EPS15L1: variants seen among roughly 807,000 people sequenced by gnomAD.
EPS15L1 encodes epidermal growth factor receptor substrate 15-like 1.
EPS15L1 carries 43 observed loss-of-function variants against 117.1 expected under a neutral mutation model. The ratio of observed to expected loss-of-function variants is 0.37; its 90% CI spans 0.29 to 0.47. The LOEUF (loss-of-function observed/expected upper bound fraction) is 0.47, where lower values mean the gene tolerates loss of function less well. Ranked by LOEUF, EPS15L1 falls within the 20% of genes least tolerant of loss-of-function variation. The probability of loss-of-function intolerance (pLI) is 0.99; values close to 1 mark genes in which losing one functional copy is unlikely to be tolerated. For missense variants in EPS15L1, 981 were observed against 1,164.0 expected (o/e 0.84, Z 2.29); for synonymous variants, 459 against 470.5 (o/e 0.98, Z 0.32).
chr19:16,413,024 GC>G, intron 13 of EPS15L1: 1 of 735,572 alleles, frequency 1.4e-6, no homozygotes, highest in African/African-American at 1.7e-5. Context: ...TGAAGATTAT[GC>G]CAGTGCAGAA....
chr19:16,459,819 C>T (rs1384676524), intron 1 of EPS15L1, among the ~76,000 whole-genome samples: 1 of 152,104 alleles, frequency 6.6e-6, no homozygotes, highest in Non-Finnish European at 1.5e-5. Flanking sequence ...TGAATCAGCA[C>T]GTGAGTTGCA....
At chr19:16,445,463 G>A (rs2093074089) in intron 1 of EPS15L1, among the ~76,000 whole-genome samples, 1 of 152,196 alleles carries the variant, frequency 6.6e-6, no homozygotes, top group South Asian at 2.1e-4. Context: ...AAGCAGAAGG[G>A]GGAAGAAAGA....
chr19:16,363,829 C>G (rs1216568792), intron 22 of EPS15L1, among the ~76,000 whole-genome samples: 1 of 152,334 alleles, frequency 6.6e-6, no homozygotes, highest in South Asian at 2.1e-4. Flanking sequence ...TTCTCTCAAC[C>G]GGCAGTTCTG....
At chr19:16,396,851 C>G (rs943881346) in intron 16 of EPS15L1, among the ~76,000 whole-genome samples, 2 of 151,498 alleles carry the variant, frequency 1.3e-5, no homozygotes, top group South Asian at 4.2e-4. Flanking sequence ...ATCACAGTCA[C>G]AAAACAACAC....
chr19:16,407,472 C>G (rs929439040), intron 13 of EPS15L1, among the ~76,000 whole-genome samples: 1 of 151,928 alleles, frequency 6.6e-6, no homozygotes, highest in African/African-American at 2.4e-5. Flanking sequence ...CGCCCAGTTG[C>G]GTGATTTTTT....
chr19:16,434,320 G>A, intron 7 of EPS15L1, 45 bp downstream of exon 7: 1 of 1,603,658 alleles, frequency 6.2e-7, no homozygotes, highest in Non-Finnish European at 8.5e-7. Flanking sequence ...CCCACACACA[G>A]CAGGGACACT....
chr19:16,465,003 C>T (rs989565994), intron 1 of EPS15L1, among the ~76,000 whole-genome samples: 1 of 151,532 alleles, frequency 6.6e-6, no homozygotes, highest in South Asian at 2.1e-4. Flanking sequence ...GGCATGAACC[C>T]AGGAGGCGGA....
intron 1 of EPS15L1, among the ~76,000 whole-genome samples, chr19:16,451,866 G>A (rs1022077815): frequency 6.8e-6 from 1 of 148,066 alleles, no homozygotes; most frequent in African/African-American, 2.5e-5. Flanking sequence ...GGCCAGGCAC[G>A]GTGGCTCACA....
rs1396659315 is a variant in EPS15L1 at position 16,371,081 on chromosome 19, GT to G, written c.2380+6040del. 1.3e-5 allele frequency among the ~76,000 whole-genome samples: 2 copies of G among 152,256 alleles called. No homozygotes were observed. The highest frequency in any genetic ancestry group is 4.8e-5 in the African/African-American group (2 of 41,468). On this transcript the variant is annotated intron_variant, in intron 22 of 23. Transcript: ENST00000455140. This position sits in a 1 kb window ranked among gnomAD's most constrained non-coding sequence, Gnocchi z 4.7. Reference sequence around the variant, plus strand: ...TGAAGTAGTTAAGTTCAAGGCTGAGGTGCTAACCGCAGGGTTCAAATGGAGA... The same window carrying G: ...TGAAGTAGTTAAGTTCAAGGCTGAGGGCTAACCGCAGGGTTCAAATGGAGA...
chr19:16,419,998 A>C (rs538908462), intron 10 of EPS15L1, among the ~76,000 whole-genome samples: 104 of 152,302 alleles, frequency 6.8e-4, no homozygotes, highest in Middle Eastern at 3.4e-3. Flanking sequence ...CTGACACCAC[A>C]TCCTGCTCTG....
Position 16,421,476 on chromosome 19 carries a change from G to A in EPS15L1, c.793C>T (p.Pro265Ser), listed in dbSNP as rs1365596589. The change falls in exon 10 of 24, where the codon CCA becomes TCA. Residue 265 changes from proline to serine, a missense_variant and splice_region_variant. Coordinates refer to ENST00000455140, the MANE Select transcript of EPS15L1 (RefSeq NM_001258374.3). ...SPKHSLKQTQPTVNWVVPVAD... is the reference protein window; with the variant it reads ...SPKHSLKQTQSTVNWVVPVAD... ...ACGGGCACCACCCAGTTCACTGTTG[G>A]CTGAAACAGTTTTTGGCAAAACAGT... 5 of 1,608,494 alleles carry A rather than the reference G, an allele frequency of 3.1e-6. No homozygotes were observed. The South Asian group carries it at 4.4e-5, about 14-fold the overall frequency.
chr19:16,356,201 G>A (rs2091977821), intron 23 of EPS15L1: 1 of 353,972 alleles, frequency 2.8e-6, no homozygotes, highest in East Asian at 5.0e-5. Flanking sequence ...CAGCGTGCAT[G>A]GCTCTAAAGC....
chr19:16,440,733 TAA>T (rs1334127299), intron 4 of EPS15L1, 127 bp downstream of exon 4: 3 of 734,000 alleles, frequency 4.1e-6, no homozygotes, highest in Non-Finnish European at 6.9e-6. Flanking sequence ...CTTCCCGTGT[TAA>T]GTTTGACAGC....
chr19:16,393,817 T>A, intron 18 of EPS15L1, 134 bp downstream of exon 18: 1 of 904,082 alleles, frequency 1.1e-6, no homozygotes, highest in Non-Finnish European at 1.8e-6. Flanking sequence ...GGGTACAACA[T>A]GGATGGACGG....
intron 7 of EPS15L1, among the ~76,000 whole-genome samples, chr19:16,429,871 A>T (rs1351895719): frequency 2.0e-5 from 3 of 152,232 alleles, no homozygotes; most frequent in Non-Finnish European, 4.4e-5. Context: ...CCTCAGCACT[A>T]CTGCCTGTTA....
intron 19 of EPS15L1, among the ~76,000 whole-genome samples, chr19:16,391,057 G>A (rs1050685211): frequency 8.5e-5 from 13 of 152,116 alleles, no homozygotes; most frequent in Non-Finnish European, 1.8e-4. Context: ...ACTGCATCTC[G>A]ATAAAACTAT....
Position 16,471,525 on chromosome 19 carries a change from G to A in EPS15L1, c.33+388C>T, listed in dbSNP as rs1367872258. 6.6e-6 allele frequency among the ~76,000 whole-genome samples: 1 copy of A among 152,030 alleles called. No individual in the cohort carries two copies. The highest frequency in any genetic ancestry group is 1.5e-5 in the Non-Finnish European group (1 of 67,978). The stretch of plus-strand genomic sequence containing the variant: ...GGGACCCTGCCCGCCCGGGCGCCGG[G>A]ACCGGAGGGAGACAAAGACTCGCTG... On this transcript the variant is annotated intron_variant, in intron 1 of 23. Transcript: ENST00000455140. This position sits in a 1 kb window ranked among gnomAD's most constrained non-coding sequence, Gnocchi z 4.8.
intron 1 of EPS15L1, among the ~76,000 whole-genome samples, chr19:16,456,042 A>T (rs1176643616): frequency 6.6e-6 from 1 of 150,922 alleles, no homozygotes; most frequent in Non-Finnish European, 1.5e-5. Flanking sequence ...CTCTACTAAA[A>T]ATATAAAATT....
intron 8 of EPS15L1, among the ~76,000 whole-genome samples, chr19:16,425,560 C>T (rs77093067): frequency 0.012 from 1,781 of 152,338 alleles, 35 homozygotes; most frequent in African/African-American, 0.041. Flanking sequence ...TCAAGCCAGA[C>T]TCCATATGCA....
Sources: gnomAD v4.1 joint callset for allele counts (sites outside exome capture counted in the v4.1 genomes callset) on GRCh38, gnomAD v4.1.1 for gene constraint, Gnocchi (gnomAD v3.1) non-coding constraint, MANE v1.5 for transcripts, NCBI Gene and HGNC (gene_info 2026-07-23, HGNC 2026-07-21) for gene names.